Variants in SENP6 observed in about 807,000 individuals in gnomAD.
SENP6 encodes the protein sentrin-specific protease 6.
A neutral mutation model predicts 134.5 loss-of-function variants in SENP6; 41 were observed. That is an observed-to-expected ratio of 0.30 (90% CI 0.24 to 0.40). The LOEUF (loss-of-function observed/expected upper bound fraction) is 0.40. SENP6 is among the 10% of genes least tolerant of loss of function. The pLI is 1.00. For synonymous variants in SENP6, 395 were observed against 429.8 expected (o/e 0.92, Z 1.00); for missense variants, 1,248 against 1,312.5 (o/e 0.95, Z 0.76).
chr6:75,691,302 T>A lies in SENP6; in HGVS notation c.2076-4502T>A, dbSNP rs769366591. Among the ~76,000 whole-genome samples, 46 of 151,830 alleles carry A rather than the reference T, an allele frequency of 3.0e-4. 1 individual carries two copies. The highest frequency in any genetic ancestry group is 6.2e-4 in the South Asian group (3 of 4,804). ...GGACTACATGTGCGAGCTACCACAC[T>A]CTGCTAATTTTTAAAATTTTCTTGG... On this transcript the variant is annotated intron_variant, in intron 16 of 23. Coordinates refer to ENST00000447266, the MANE Select transcript of SENP6 (RefSeq NM_015571.4).
chr6:75,608,569 A>G (rs1404832858), intron 1 of SENP6, among the ~76,000 whole-genome samples: 1 of 152,062 alleles, frequency 6.6e-6, no homozygotes, highest in East Asian at 1.9e-4. Context: ...GGAAGGAGAA[A>G]AGAAAGTGAT....
At chr6:75,693,805 ATAATAT>A (rs1259170256) in intron 16 of SENP6, among the ~76,000 whole-genome samples, 1 of 152,196 alleles carries the variant, frequency 6.6e-6, no homozygotes, top group Non-Finnish European at 1.5e-5. Flanking sequence ...CCTCATTTTG[ATAATAT>A]TAATATGGCC....
At chr6:75,631,514 C>CT (rs955545998) in intron 3 of SENP6, among the ~76,000 whole-genome samples, 1 of 152,272 alleles carries the variant, frequency 6.6e-6, no homozygotes, top group African/African-American at 2.4e-5. Context: ...AGTCTATTGT[C>CT]TGTTAGCTAC....
intron 18 of SENP6, among the ~76,000 whole-genome samples, chr6:75,699,354 CT>C (rs71544060): frequency 0.011 from 1,298 of 115,000 alleles, 8 homozygotes; most frequent in South Asian, 0.026. Flanking sequence ...TTTGTTTTTG[CT>C]TTTTTTTTTT....
intron 6 of SENP6, among the ~76,000 whole-genome samples, chr6:75,644,467 CT>C (rs1331418795): frequency 4.2e-5 from 5 of 119,190 alleles, no homozygotes; most frequent in Non-Finnish European, 9.3e-5. Context: ...TGGTAAATTT[CT>C]TTCTTTCTTT....
At chr6:75,631,317 T>C (rs1769099185) in intron 3 of SENP6, among the ~76,000 whole-genome samples, 1 of 152,188 alleles carries the variant, frequency 6.6e-6, no homozygotes, top group Non-Finnish European at 1.5e-5. Context: ...TTTTCACATA[T>C]TTAGTATTCT....
At position 75,602,219 on chromosome 6, in the gene SENP6, C is replaced by A; in HGVS notation, c.-306C>A. The A allele has an allele frequency of 3.1e-6, 1 of 321,432 alleles. No individual in the cohort carries two copies. Among genetic ancestry groups the A allele is most frequent in the Non-Finnish European group, 5.6e-6 (1 of 177,488 alleles). The allele number at this position is 321,432 out of a possible 1,614,324, so 19.9% of individuals were successfully genotyped here. ...CCTGGGTGGGCGGTGGATGGGGAGTCGTGGGCCGAGAGGAACCGGGCCCGG... is the reference window on the plus strand; with the variant it reads ...CCTGGGTGGGCGGTGGATGGGGAGTAGTGGGCCGAGAGGAACCGGGCCCGG... On this transcript the variant is annotated 5_prime_UTR_variant, in exon 1 of 24. Transcript: ENST00000447266.
At chr6:75,714,256 G>A (rs1427511352) in intron 23 of SENP6, among the ~76,000 whole-genome samples, 1 of 152,114 alleles carries the variant, frequency 6.6e-6, no homozygotes, top group African/African-American at 2.4e-5. Context: ...AATTGCTCTT[G>A]ACTTTCCAGC....
chr6:75,633,776 T>G (rs1432516151), intron 4 of SENP6, 50 bp downstream of exon 4: 2 of 1,519,838 alleles, frequency 1.3e-6, no homozygotes, highest in African/African-American at 2.8e-5. Context: ...AGGAAGAGTT[T>G]GACACCAAAA....
intron 19 of SENP6, 63 bp downstream of exon 19, chr6:75,703,135 C>A: frequency 1.5e-6 from 2 of 1,311,294 alleles, no homozygotes; most frequent in Non-Finnish European, 2.1e-6. Flanking sequence ...TTTTAATAAA[C>A]AGGATTAAGA....
At chr6:75,656,622 C>A (rs1436764244) in intron 7 of SENP6, among the ~76,000 whole-genome samples, 1 of 152,148 alleles carries the variant, frequency 6.6e-6, no homozygotes, top group Non-Finnish European at 1.5e-5. Flanking sequence ...AAATGGAATC[C>A]TAATGGAATT....
intron 8 of SENP6, among the ~76,000 whole-genome samples, chr6:75,662,107 A>G (rs1382956678): frequency 6.6e-6 from 1 of 152,214 alleles, no homozygotes; most frequent in African/African-American, 2.4e-5. Flanking sequence ...TAATGGGATT[A>G]ACATCTTTAG....
chr6:75,702,837 G>A lies in SENP6; in HGVS notation c.2481G>A (p.Met827Ile). The A allele has an allele frequency of 6.2e-7, 1 of 1,614,076 alleles. No homozygotes were observed. Among genetic ancestry groups the A allele is most frequent in the Non-Finnish European group, 8.5e-7 (1 of 1,179,982 alleles). ...NSSAKPVIKK[M>I]LNKKHCIAVI... ...CTGCCAAGCCTGTAATTAAGAAGAT[G>A]CTAAACAAAAAACATTGCATAGCTG... The change falls in exon 19 of 24, where the codon ATG becomes ATA. Residue 827 changes from methionine to isoleucine, a missense_variant. Met to Ile is a conservative substitution (Grantham distance 10). Around this residue, in one of 3 missense-constraint regions of SENP6, gnomAD observed 386 missense variants for 395.0 expected, o/e 0.98. Coordinates refer to ENST00000447266, the MANE Select transcript of SENP6 (RefSeq NM_015571.4).
At chr6:75,644,486 TTTTG>T (rs1352020194) in intron 6 of SENP6, among the ~76,000 whole-genome samples, 1 of 151,410 alleles carries the variant, frequency 6.6e-6, no homozygotes, top group African/African-American at 2.4e-5. Context: ...TTTTTTTTTT[TTTTG>T]TTTTCTTTTT....
intron 9 of SENP6, among the ~76,000 whole-genome samples, chr6:75,666,337 A>C (rs1772242854): frequency 6.7e-6 from 1 of 149,270 alleles, no homozygotes; most frequent in Admixed American, 6.7e-5. Flanking sequence ...CTATTTTGTG[A>C]ACAAGTTGTA....
intron 1 of SENP6, among the ~76,000 whole-genome samples, chr6:75,618,072 A>G (rs1455959508): frequency 6.6e-6 from 1 of 152,140 alleles, no homozygotes; most frequent in East Asian, 1.9e-4. Flanking sequence ...TGGCTGAGGT[A>G]GTGTTTGTCA....
chr6:75,681,783 A>G (rs181479487), intron 16 of SENP6, among the ~76,000 whole-genome samples: 29 of 152,282 alleles, frequency 1.9e-4, no homozygotes, highest in Admixed American at 1.5e-3. Context: ...AATCCTAGCA[A>G]TTTTGGAGGC....
chr6:75,651,552 G>A (rs715091), intron 7 of SENP6, among the ~76,000 whole-genome samples: 46 of 152,102 alleles, frequency 3.0e-4, no homozygotes, highest in African/African-American at 1.0e-3. Context: ...AGGTTTCACC[G>A]TGTTGCCCAG....
intron 19 of SENP6, among the ~76,000 whole-genome samples, chr6:75,705,847 A>G (rs188886731): frequency 9.8e-4 from 148 of 151,474 alleles, no homozygotes; most frequent in African/African-American, 3.4e-3. Flanking sequence ...ACCTATCAAA[A>G]ATTGTGAATA....
Sources: allele counts gnomAD v4.1 joint callset (sites outside exome capture counted in the v4.1 genomes callset), GRCh38; gene constraint gnomAD v4.1.1; regional missense constraint gnomAD v4.1.1; transcripts MANE v1.5; gene names NCBI Gene and HGNC (gene_info 2026-07-23, HGNC 2026-07-21).